The following ARHGEF28 variants were observed in gnomAD, a reference collection of about 807,000 sequenced individuals.
The protein encoded by ARHGEF28 is Rho guanine nucleotide exchange factor 28.
ARHGEF28 carries 152 observed loss-of-function variants against 206.6 expected under a neutral mutation model. That is an observed-to-expected ratio of 0.74 (90% CI 0.64 to 0.84). The LOEUF is 0.84. ARHGEF28 is among the 40% of genes least tolerant of loss of function. The pLI is 0.00. For missense variants in ARHGEF28, 2,028 were observed against 2,073.2 expected (o/e 0.98, Z 0.42); for synonymous variants, 763 against 776.4 (o/e 0.98, Z 0.29).
chr5:73,672,681 T>C (rs762378961), intron 1 of ARHGEF28, among the ~76,000 whole-genome samples: 1 of 152,246 alleles, frequency 6.6e-6, no homozygotes, highest in African/African-American at 2.4e-5. Context: ...TGAGTGATGA[T>C]TGAGCTTTGC....
intron 2 of ARHGEF28, among the ~76,000 whole-genome samples, chr5:73,715,688 C>G (rs1419999122): frequency 6.6e-6 from 1 of 152,174 alleles, no homozygotes; most frequent in Non-Finnish European, 1.5e-5. Flanking sequence ...CATAGCACAT[C>G]CAAAGTATAA....
intron 4 of ARHGEF28, 49 bp downstream of exon 4, chr5:73,753,251 A>C: frequency 3.3e-6 from 5 of 1,497,314 alleles, no homozygotes; most frequent in Non-Finnish European, 4.5e-6. Flanking sequence ...TGTCAAGTTC[A>C]GAATGTACCT....
At chr5:73,890,924 G>C (rs900081777) in intron 26 of ARHGEF28, among the ~76,000 whole-genome samples, 2 of 152,238 alleles carry the variant, frequency 1.3e-5, no homozygotes, top group Non-Finnish European at 2.9e-5. Flanking sequence ...TCAGTGTGCT[G>C]TTCCTCTTTG....
intron 22 of ARHGEF28, among the ~76,000 whole-genome samples, chr5:73,876,352 G>C (rs71576970): frequency 0.12 from 5,933 of 50,896 alleles, 499 homozygotes; most frequent in Middle Eastern, 0.22. Flanking sequence ...GATATACAAT[G>C]ATGTCATCTG....
intron 20 of ARHGEF28, 65 bp downstream of exon 20, chr5:73,868,292 T>G: frequency 6.7e-7 from 1 of 1,482,480 alleles, no homozygotes; most frequent in Non-Finnish European, 9.0e-7. Context: ...TGACACTGTC[T>G]GAAGGAAATA....
At chr5:73,893,055 CA>C (rs1189302796) in intron 27 of ARHGEF28, 141 bp from the exon 28 acceptor site, 4 of 611,170 alleles carry the variant, frequency 6.5e-6, no homozygotes, top group African/African-American at 1.9e-5. Context: ...AGTCTCTGGC[CA>C]GGGGGGATGA....
chr5:73,660,149 T>G (rs1402876647), intron 1 of ARHGEF28, among the ~76,000 whole-genome samples: 1 of 152,240 alleles, frequency 6.6e-6, no homozygotes, highest in Non-Finnish European at 1.5e-5. Flanking sequence ...CCTTATAAAC[T>G]AAGTTTATGT....
intron 2 of ARHGEF28, among the ~76,000 whole-genome samples, chr5:73,735,259 A>G (rs914955601): frequency 6.6e-6 from 1 of 151,540 alleles, no homozygotes; most frequent in Admixed American, 6.6e-5. Context: ...AAATTAAATT[A>G]AAATTTATTT....
chr5:73,744,404 A>G (rs1034455506), intron 2 of ARHGEF28, among the ~76,000 whole-genome samples: 1 of 152,162 alleles, frequency 6.6e-6, no homozygotes, highest in Non-Finnish European at 1.5e-5. Flanking sequence ...ATCCTGAGCT[A>G]GTTAGCAGTA....
rs959629940 is a variant in ARHGEF28, at chr5:73,873,645, T to C, written c.2814+399T>C. Among the ~76,000 whole-genome samples, 4 of 152,268 alleles carry C rather than the reference T, an allele frequency of 2.6e-5. No individual in the cohort carries two copies. In the South Asian group the frequency reaches 8.3e-4, roughly 32 times the overall value. ...ATGCCATCTTCTCCAAATGTACTGT[T>C]TTTTGAAGCTGTTTCATCCTATCAT... On this transcript the variant is annotated intron_variant, in intron 22 of 35. Coordinates refer to ENST00000513042, the MANE Select transcript of ARHGEF28 (RefSeq NM_001177693.2).
intron 31 of ARHGEF28, chr5:73,902,095 T>C (rs1374098726): frequency 6.6e-6 from 1 of 152,200 alleles, no homozygotes; most frequent in African/African-American, 2.4e-5. Context: ...TCTTCTCACA[T>C]ATACAACATA....
chr5:73,796,247 G>A (rs751368365), intron 9 of ARHGEF28, among the ~76,000 whole-genome samples: 20 of 152,322 alleles, frequency 1.3e-4, no homozygotes, highest in African/African-American at 4.3e-4. Flanking sequence ...AGATGAGCAC[G>A]AACCACTCCA....
chr5:73,629,979 C>T (rs1743261246), intron 1 of ARHGEF28, among the ~76,000 whole-genome samples: 1 of 152,212 alleles, frequency 6.6e-6, no homozygotes, highest in Admixed American at 6.5e-5. Flanking sequence ...TGGCTTTGCT[C>T]TCCATAGTAG....
At chr5:73,652,461 TGA>T (rs1744892974) in intron 1 of ARHGEF28, among the ~76,000 whole-genome samples, 1 of 151,948 alleles carries the variant, frequency 6.6e-6, no homozygotes, top group Non-Finnish European at 1.5e-5. Context: ...GTGTGGGACA[TGA>T]GAGGGCACGG....
At chr5:73,790,592 T>C (rs1754422773) in intron 7 of ARHGEF28, among the ~76,000 whole-genome samples, 1 of 151,922 alleles carries the variant, frequency 6.6e-6, no homozygotes, top group Admixed American at 6.6e-5. Context: ...TTTTGATATT[T>C]CTGTAAATAA....
intron 14 of ARHGEF28, among the ~76,000 whole-genome samples, chr5:73,856,849 A>G (rs1468189296): frequency 6.6e-6 from 1 of 152,170 alleles, no homozygotes. Flanking sequence ...CTGGTTTGAC[A>G]TGATATTTAG....
chr5:73,780,631 G>A (rs1374612678), intron 6 of ARHGEF28, 45 bp from the exon 7 acceptor site: 5 of 1,514,436 alleles, frequency 3.3e-6, no homozygotes, highest in Non-Finnish European at 4.4e-6. Flanking sequence ...AACCTCAAAT[G>A]GTTTTCTGTG....
chr5:73,741,239 C>T (rs576595417), intron 2 of ARHGEF28, among the ~76,000 whole-genome samples: 6 of 151,230 alleles, frequency 4.0e-5, no homozygotes, highest in Admixed American at 2.0e-4. Flanking sequence ...CATGAATTGT[C>T]TTTTACTTAG....
At chr5:73,646,527 G>A (rs1744435426) in intron 1 of ARHGEF28, among the ~76,000 whole-genome samples, 1 of 152,164 alleles carries the variant, frequency 6.6e-6, no homozygotes, top group African/African-American at 2.4e-5. Flanking sequence ...CCAAGCTCAT[G>A]CTCCTGTCTG....
Sources: gnomAD v4.1 joint callset for allele counts (sites outside exome capture counted in the v4.1 genomes callset) on GRCh38, gnomAD v4.1.1 for gene constraint, MANE v1.5 for transcripts, NCBI Gene and HGNC (gene_info 2026-07-23, HGNC 2026-07-21) for gene names.